Variants in DAGLA observed in about 807,000 individuals in gnomAD.
DAGLA encodes the protein diacylglycerol lipase alpha.
DAGLA carries 22 observed loss-of-function variants against 102.6 expected under a neutral mutation model. The observed-to-expected ratio is 0.21, with a 90% CI of 0.15 to 0.31. The LOEUF (loss-of-function observed/expected upper bound fraction) is 0.31. DAGLA is among the 10% of genes least tolerant of loss of function. The pLI is 1.00. For missense variants in DAGLA, 927 were observed against 1,446.6 expected, an observed-to-expected ratio of 0.64 and a Z score of 5.83; for synonymous variants, 578 against 628.9, an observed-to-expected ratio of 0.92 and a Z score of 1.21.
intron 1 of DAGLA, among the ~76,000 whole-genome samples, chr11:61,690,937 G>A (rs746690169): frequency 1.3e-5 from 2 of 152,184 alleles, no homozygotes; most frequent in Non-Finnish European, 2.9e-5. Context: ...GACCTTCACC[G>A]ACCCTGTACC....
chr11:61,726,255 C>T (rs920346506), intron 6 of DAGLA, among the ~76,000 whole-genome samples, 173 bp downstream of exon 6: 11 of 152,170 alleles, frequency 7.2e-5, no homozygotes, highest in African/African-American at 2.7e-4. Flanking sequence ...CTGAGCCACT[C>T]GCTCCAGCAC....
At chr11:61,682,010 C>T (rs1263331924) in intron 1 of DAGLA, among the ~76,000 whole-genome samples, 1 of 150,164 alleles carries the variant, frequency 6.7e-6, no homozygotes, top group Non-Finnish European at 1.5e-5. Context: ...GGGGAAGGCA[C>T]TTATGAGTCC....
intron 1 of DAGLA, among the ~76,000 whole-genome samples, chr11:61,699,748 G>A (rs1286072772): frequency 6.6e-6 from 1 of 152,262 alleles, no homozygotes; most frequent in Non-Finnish European, 1.5e-5. Flanking sequence ...AATACTGTAG[G>A]CAGAGTGCTG....
chr11:61,735,515 T>G, intron 10 of DAGLA, 46 bp from the exon 11 acceptor site: 1 of 1,553,642 alleles, frequency 6.4e-7, no homozygotes, highest in Non-Finnish European at 8.9e-7. Context: ...TCCCTGAGTG[T>G]GGCCCCACCA....
chr11:61,703,200 G>C (rs2065122290), intron 1 of DAGLA, among the ~76,000 whole-genome samples: 1 of 152,216 alleles, frequency 6.6e-6, no homozygotes, highest in Non-Finnish European at 1.5e-5. Flanking sequence ...CTCAGTGCAG[G>C]GAACCTGGCA....
At chr11:61,726,199 TC>T in intron 6 of DAGLA, 117 bp downstream of exon 6, 1 of 953,864 alleles carries the variant, frequency 1.0e-6, no homozygotes, top group Non-Finnish European at 1.6e-6. Context: ...GAGCTGGGTT[TC>T]CAGCGTGAGC....
chr11:61,731,433 G>A lies in DAGLA; in HGVS notation c.966G>A (p.Arg322=), dbSNP rs368971016. The part of the protein sequence containing the change: ...KPACGLCQLA[R]SCSCCLCPAR... ...CCTGCGGCCTCTGCCAACTGGCTCG[G>A]TCCTGCTCGTGAGTACCCCTGTCCC... Residue 322 remains arginine, a synonymous_variant, in exon 9 of 20, where the codon CGG becomes CGA. Coordinates refer to ENST00000257215, the MANE Select transcript of DAGLA (RefSeq NM_006133.3). 1.8e-5 allele frequency: 29 copies of A among 1,613,458 alleles called. No homozygotes were observed. In the African/African-American group the frequency reaches 3.5e-4, roughly 19 times the overall value.
rs369406943 is a variant in DAGLA at position 61,743,545 on chromosome 11, T to G, written c.2185T>G (p.Ser729Ala). Residue 729 changes from serine (S) to alanine (A), a missense_variant, in exon 20 of 20, where the codon TCT becomes GCT. By Grantham distance (99) the Ser-to-Ala change is moderately conservative. Transcript: ENST00000257215. ...RNSSVRSKSQSEMSLEGFSEG... is the reference protein window; with the variant it reads ...RNSSVRSKSQAEMSLEGFSEG... ...CTCCCTCTGCAGGAGCAAGTCCCAGTCTGAGATGAGCCTGGAGGGCTTCTC... is the reference window on the plus strand; with the variant it reads ...CTCCCTCTGCAGGAGCAAGTCCCAGGCTGAGATGAGCCTGGAGGGCTTCTC... The G allele has an allele frequency of 3.4e-5, 52 of 1,522,750 alleles. No individual in the cohort carries two copies. Among genetic ancestry groups the G allele is most frequent in the Non-Finnish European group, 4.3e-5 (49 of 1,140,958 alleles). The allele number at this position is 1,522,750 out of a possible 1,614,324, so 94.3% of individuals were successfully genotyped here. A position where few individuals can be genotyped will look rare whatever the true frequency, so the allele number is the denominator to read the frequency against.
At chr11:61,728,385 C>A in intron 7 of DAGLA, 98 bp downstream of exon 7, 1 of 1,472,028 alleles carries the variant, frequency 6.8e-7, no homozygotes, top group South Asian at 1.2e-5. Context: ...TCGGCTCCCA[C>A]GCAGCTCCCC....
intron 1 of DAGLA, among the ~76,000 whole-genome samples, chr11:61,689,323 C>T (rs188930407): frequency 3.3e-4 from 51 of 152,346 alleles, no homozygotes; most frequent in Non-Finnish European, 6.2e-4. Flanking sequence ...AGCACCTGCC[C>T]ACTTCACCCA....
intron 17 of DAGLA, 42 bp downstream of exon 17, chr11:61,739,703 A>C (rs779011547): frequency 6.3e-7 from 1 of 1,594,164 alleles, no homozygotes; most frequent in African/African-American, 1.3e-5. Context: ...GGTAGTGGCC[A>C]GGGCAGGGGC....
intron 1 of DAGLA, among the ~76,000 whole-genome samples, chr11:61,690,394 G>A (rs1460982363): frequency 6.6e-6 from 1 of 152,166 alleles, no homozygotes; most frequent in Admixed American, 6.5e-5. Context: ...TCGTCCTGAG[G>A]GAGTTCCTGG....
In DAGLA at chr11:61,723,489, C is replaced by T. The variant is rs752774011; in HGVS notation, c.465C>T (p.Cys155=). ...VILSVCITVL[C]VFDPTGRTFV... ...TCAGTGTGTGCATCACTGTCCTCTG[C>T]GTCTTCGACCCCACGGGCCGCACCT... Residue 155 remains cysteine, a synonymous_variant, in exon 5 of 20, where the codon TGC becomes TGT. Transcript: ENST00000257215. The T allele has an allele frequency of 5.6e-6, 9 of 1,614,030 alleles. No homozygotes were observed. Among genetic ancestry groups the T allele is most frequent in the East Asian group, 2.2e-5 (1 of 44,894 alleles).
At chr11:61,693,089 C>T (rs1053121042) in intron 1 of DAGLA, among the ~76,000 whole-genome samples, 53 of 150,816 alleles carry the variant, frequency 3.5e-4, no homozygotes, top group Admixed American at 1.3e-4. Flanking sequence ...TCTGCCTTCT[C>T]AGTTCAAGCC....
At chr11:61,743,257 C>T (rs906431621) in intron 19 of DAGLA, among the ~76,000 whole-genome samples, 1 of 149,884 alleles carries the variant, frequency 6.7e-6, no homozygotes. Context: ...CCCAGCTACT[C>T]GGGAGGCTGA....
In DAGLA at chr11:61,722,924, T is replaced by A; in HGVS notation, c.373T>A (p.Ser125Thr). ...GIVWLTQYYT[S>T]CNDLTAKNVT... ...CGTCTGGCTCACTCAGTACTACACCTCCTGCAACGACCTCACTGCCAAGAA... is the reference window on the plus strand; with the variant it reads ...CGTCTGGCTCACTCAGTACTACACCACCTGCAACGACCTCACTGCCAAGAA... Residue 125 changes from serine (S) to threonine (T), a missense_variant, in exon 4 of 20, where the codon TCC becomes ACC. Transcript: ENST00000257215. 6.2e-7 allele frequency: 1 copy of A among 1,614,010 alleles called. No individual in the cohort carries two copies. The highest frequency in any genetic ancestry group is 1.1e-5 in the South Asian group (1 of 91,068).
Position 61,744,768 on chromosome 11 carries a change from C to T in DAGLA, c.*279C>T, listed in dbSNP as rs1268846300. 1.0e-5 allele frequency: 4 copies of T among 394,520 alleles called. No individual in the cohort carries two copies. Among genetic ancestry groups the T allele is most frequent in the Non-Finnish European group, 1.8e-5 (4 of 219,630 alleles). 24.4% of individuals were successfully genotyped at this position (394,520 alleles called of 1,614,324 possible). A position where few individuals can be genotyped will look rare whatever the true frequency, so the allele number is the denominator to read the frequency against. ...GCCTGCTGGGTGGGCCACACTCAGCCTGACTGCCCTCCATGGGGGCATTCT... is the reference window on the plus strand; with the variant it reads ...GCCTGCTGGGTGGGCCACACTCAGCTTGACTGCCCTCCATGGGGGCATTCT... On this transcript the variant is annotated 3_prime_UTR_variant, in exon 20 of 20. Transcript: ENST00000257215.
intron 10 of DAGLA, 143 bp from the exon 11 acceptor site, chr11:61,735,418 G>T: frequency 1.4e-6 from 1 of 708,874 alleles, no homozygotes; most frequent in Non-Finnish European, 2.4e-6. Flanking sequence ...GTGACCCTGG[G>T]AGCCCGTCAG....
Position 61,684,931 on chromosome 11 carries a change from CTT to C in DAGLA, c.-45+4429_-45+4430del, listed in dbSNP as rs371042194. Among the ~76,000 whole-genome samples the C allele has an allele frequency of 6.6e-6, 1 of 152,006 alleles. No individual in the cohort carries two copies. The highest frequency in any genetic ancestry group is 2.1e-4 in the South Asian group (1 of 4,818). ...GGGTTTCATACCTCATGTTATGACT[CTT>C]TACATGAGGAGCCGAGTGCTTTCTC... is the stretch of plus-strand genomic sequence containing the variant. On this transcript the variant is annotated intron_variant, in intron 1 of 19. Transcript: ENST00000257215. This position sits in a 1 kb window ranked among gnomAD's most constrained non-coding sequence, Gnocchi z 4.5.
Sources: gnomAD v4.1 joint callset for allele counts (sites outside exome capture counted in the v4.1 genomes callset) on GRCh38, gnomAD v4.1.1 for gene constraint, Gnocchi (gnomAD v3.1) non-coding constraint, MANE v1.5 for transcripts, NCBI Gene and HGNC (gene_info 2026-07-23, HGNC 2026-07-21) for gene names.